The following NDUFS4 variants were observed in gnomAD, a reference collection of about 807,000 sequenced individuals.
NDUFS4 encodes NADH:ubiquinone oxidoreductase subunit S4.
NDUFS4 carries 28 observed loss-of-function variants against 24.3 expected under a neutral mutation model. The observed-to-expected ratio is 1.15, with a 90% CI of 0.85 to 1.58. The LOEUF (loss-of-function observed/expected upper bound fraction) is 1.58, where lower values mean the gene tolerates loss of function less well. Ranked by LOEUF, NDUFS4 falls within the 40% of genes most tolerant of loss-of-function variation. The probability of loss-of-function intolerance (pLI) is 0.00; values close to 1 mark genes in which losing one functional copy is unlikely to be tolerated. For missense variants in NDUFS4, 223 were observed against 207.9 expected, an observed-to-expected ratio of 1.07 and a Z score of -0.45; for synonymous variants, 93 against 69.7, an observed-to-expected ratio of 1.34 and a Z score of -1.67.
intron 2 of NDUFS4, among the ~76,000 whole-genome samples, chr5:53,638,652 T>C (rs1057291829): frequency 1.7e-4 from 26 of 152,064 alleles, no homozygotes; most frequent in African/African-American, 5.8e-4. Context: ...TCCCATGATA[T>C]GAGTTTACCT....
chr5:53,648,865 A>G (rs370632974), intron 3 of NDUFS4, among the ~76,000 whole-genome samples: 152 of 152,298 alleles, frequency 1.0e-3, no homozygotes, highest in African/African-American at 3.6e-3. Context: ...CAAAAACACA[A>G]TATCCCCACC....
intron 2 of NDUFS4, among the ~76,000 whole-genome samples, chr5:53,621,902 G>A (rs924215621): frequency 6.6e-6 from 1 of 151,352 alleles, no homozygotes; most frequent in Non-Finnish European, 1.5e-5. Flanking sequence ...GGGTTTCACC[G>A]TGTTAGCCAG....
chr5:53,603,581 T>C, intron 2 of NDUFS4, 51 bp downstream of exon 2: 1 of 1,419,846 alleles, frequency 7.0e-7, no homozygotes, highest in Non-Finnish European at 9.9e-7. Context: ...AGGGTTATTT[T>C]TGTACTATAG....
At chr5:53,585,742 C>CA (rs1009474307) in intron 1 of NDUFS4, among the ~76,000 whole-genome samples, 160 of 114,110 alleles carry the variant, frequency 1.4e-3, no homozygotes, top group Middle Eastern at 5.0e-3. Flanking sequence ...AACTCCGTCT[C>CA]AAAAAAAAAA....
At chr5:53,614,374 A>T (rs2112470279) in intron 2 of NDUFS4, among the ~76,000 whole-genome samples, 1 of 152,092 alleles carries the variant, frequency 6.6e-6, no homozygotes, top group African/African-American at 2.4e-5. Flanking sequence ...TTATATACAG[A>T]CAGGAACCAT....
intron 3 of NDUFS4, among the ~76,000 whole-genome samples, chr5:53,653,242 G>A (rs1449190651): frequency 6.6e-6 from 1 of 152,128 alleles, no homozygotes; most frequent in African/African-American, 2.4e-5. Flanking sequence ...GACATAGAAG[G>A]TCAAATAGTT....
chr5:53,568,898 A>G (rs1409037388), intron 1 of NDUFS4, among the ~76,000 whole-genome samples: 1 of 152,170 alleles, frequency 6.6e-6, no homozygotes, highest in African/African-American at 2.4e-5. Flanking sequence ...AAACAAAGCT[A>G]TATGAAGAGT....
At chr5:53,679,883 T>C (rs1243846688) in intron 4 of NDUFS4, among the ~76,000 whole-genome samples, 4 of 151,568 alleles carry the variant, frequency 2.6e-5, no homozygotes. Flanking sequence ...CCAGCTATCA[T>C]TATAACCACA....
At chr5:53,637,408 G>T (rs1216117481) in intron 2 of NDUFS4, among the ~76,000 whole-genome samples, 7 of 152,126 alleles carry the variant, frequency 4.6e-5, no homozygotes, top group Non-Finnish European at 1.0e-4. Context: ...TCTAGTCAAA[G>T]CCTTGGTAAT....
intron 1 of NDUFS4, among the ~76,000 whole-genome samples, chr5:53,568,278 A>G (rs1749103469): frequency 6.6e-6 from 1 of 152,092 alleles, no homozygotes; most frequent in African/African-American, 2.4e-5. Flanking sequence ...TTGGGTGCCT[A>G]AAAAATTCAG....
At chr5:53,577,589 A>AATT (rs1425368825) in intron 1 of NDUFS4, among the ~76,000 whole-genome samples, 102 of 152,240 alleles carry the variant, frequency 6.7e-4, no homozygotes, top group Non-Finnish European at 1.1e-3. Context: ...CACTAAAGTA[A>AATT]ACATCTAATT....
intron 1 of NDUFS4, among the ~76,000 whole-genome samples, chr5:53,561,978 A>G (rs1324801658): frequency 6.6e-6 from 1 of 152,082 alleles, no homozygotes; most frequent in Non-Finnish European, 1.5e-5. Context: ...TAAGTGTTCC[A>G]TATATGGAAA....
intron 4 of NDUFS4, among the ~76,000 whole-genome samples, chr5:53,665,768 G>T (rs1014542499): frequency 1.3e-5 from 2 of 152,214 alleles, no homozygotes; most frequent in African/African-American, 2.4e-5. Context: ...GACCCCTTGC[G>T]CTTCCTGGGT....
intron 4 of NDUFS4, among the ~76,000 whole-genome samples, chr5:53,663,972 T>TTCCATGTGTA (rs1752428552): frequency 8.0e-6 from 1 of 125,292 alleles, no homozygotes; most frequent in Non-Finnish European, 1.9e-5. Context: ...GGCTGGTACT[T>TTCCATGTGTA]GTTGTTCCTT....
chr5:53,611,724 G>A (rs1394661477), intron 2 of NDUFS4, among the ~76,000 whole-genome samples: 3 of 152,026 alleles, frequency 2.0e-5, no homozygotes, highest in Non-Finnish European at 2.9e-5. Flanking sequence ...ATGAGGTTAG[G>A]TGAAGAATGT....
At chr5:53,608,709 C>A (rs1407382747) in intron 2 of NDUFS4, among the ~76,000 whole-genome samples, 2 of 152,192 alleles carry the variant, frequency 1.3e-5, no homozygotes, top group African/African-American at 4.8e-5. Context: ...GCAGTGACTT[C>A]CTCCACTAAA....
In NDUFS4 at chr5:53,590,956, C is replaced by CA. The variant is rs1474074640; in HGVS notation, c.99-12496_99-12495insA. On this transcript the variant is annotated intron_variant, in intron 1 of 4. Coordinates refer to ENST00000296684, the MANE Select transcript of NDUFS4 (RefSeq NM_002495.4). ...CTCTATTCTTCTCTCTCATAAGCCC[C>CA]TGGCAACTACCATTTTACTTTCTGT... 4.9e-4 allele frequency among the ~76,000 whole-genome samples: 74 copies of CA among 152,172 alleles called. 1 individual carries two copies. The highest frequency in any genetic ancestry group is 8.5e-4 in the Admixed American group (13 of 15,276).
chr5:53,652,015 C>T (rs1290590176), intron 3 of NDUFS4, among the ~76,000 whole-genome samples: 2 of 151,996 alleles, frequency 1.3e-5, no homozygotes, highest in East Asian at 1.9e-4. Context: ...CCTCGTGATC[C>T]GCCTGCCTAG....
intron 1 of NDUFS4, among the ~76,000 whole-genome samples, chr5:53,576,329 G>A (rs1397655336): frequency 6.6e-6 from 1 of 152,096 alleles, no homozygotes; most frequent in Non-Finnish European, 1.5e-5. Flanking sequence ...AGAGAGAATT[G>A]GTTTACATTA....
Sources: gnomAD v4.1 joint callset for allele counts (sites outside exome capture counted in the v4.1 genomes callset) on GRCh38, gnomAD v4.1.1 for gene constraint, MANE v1.5 for transcripts, NCBI Gene and HGNC (gene_info 2026-07-23, HGNC 2026-07-21) for gene names.